Variants in ST6GALNAC3 observed in about 807,000 individuals in gnomAD.
ST6GALNAC3 encodes the protein alpha-N-acetylgalactosaminide alpha-2,6-sialyltransferase 3.
A neutral mutation model predicts 32.7 loss-of-function variants in ST6GALNAC3; 25 were observed. The ratio of observed to expected loss-of-function variants is 0.76; its 90% CI spans 0.56 to 1.07. The LOEUF is 1.07. ST6GALNAC3 is among the 50% of genes least tolerant of loss of function. The pLI is 0.00. For missense variants in ST6GALNAC3, 355 were observed against 382.4 expected (o/e 0.93, Z 0.60); for synonymous variants, 129 against 133.1 (o/e 0.97, Z 0.21).
At chr1:76,603,779 C>A (rs1340379746) in intron 3 of ST6GALNAC3, among the ~76,000 whole-genome samples, 2 of 152,184 alleles carry the variant, frequency 1.3e-5, no homozygotes, top group Non-Finnish European at 2.9e-5. Context: ...CTCAGGCAGT[C>A]CTTCCACCTC....
At chr1:76,528,570 G>A (rs1663059958) in intron 3 of ST6GALNAC3, among the ~76,000 whole-genome samples, 1 of 152,008 alleles carries the variant, frequency 6.6e-6, no homozygotes, top group African/African-American at 2.4e-5. Context: ...TGATTTTTGT[G>A]TCATTCTATT....
intron 3 of ST6GALNAC3, among the ~76,000 whole-genome samples, chr1:76,473,501 G>A (rs1484951497): frequency 1.3e-5 from 2 of 152,120 alleles, no homozygotes; most frequent in African/African-American, 4.8e-5. Context: ...CCTTTCTTGA[G>A]TTATTAAATT....
At chr1:76,084,492 C>A (rs1333787038) in intron 1 of ST6GALNAC3, among the ~76,000 whole-genome samples, 2 of 152,102 alleles carry the variant, frequency 1.3e-5, no homozygotes, top group Non-Finnish European at 2.9e-5. Context: ...ACTTGAAGCA[C>A]TTTTATTTGA....
chr1:76,256,686 C>T (rs1466013219), intron 1 of ST6GALNAC3, among the ~76,000 whole-genome samples: 1 of 151,066 alleles, frequency 6.6e-6, no homozygotes, highest in Admixed American at 6.6e-5. Context: ...CAGATATCTT[C>T]AAGGAAGTGG....
chr1:76,278,612 TGAAA>T (rs59903883), intron 1 of ST6GALNAC3, among the ~76,000 whole-genome samples: 8,053 of 151,964 alleles, frequency 0.053, 670 homozygotes, highest in African/African-American at 0.18. Context: ...ATGCAGAGAA[TGAAA>T]GAGTTTGTCT....
intron 2 of ST6GALNAC3, among the ~76,000 whole-genome samples, chr1:76,366,890 T>C (rs528028176): frequency 3.9e-5 from 6 of 152,302 alleles, no homozygotes; most frequent in South Asian, 4.1e-4. Flanking sequence ...CCAAAGTTTA[T>C]ATAAAAGAGA....
chr1:76,461,229 A>T (rs1273516110), intron 3 of ST6GALNAC3, among the ~76,000 whole-genome samples: 1 of 152,164 alleles, frequency 6.6e-6, no homozygotes, highest in Non-Finnish European at 1.5e-5. Flanking sequence ...GAATCCTCTA[A>T]CTATGCAAAA....
intron 1 of ST6GALNAC3, among the ~76,000 whole-genome samples, chr1:76,158,054 A>G (rs1160672554): frequency 6.6e-6 from 1 of 152,304 alleles, no homozygotes; most frequent in Admixed American, 6.5e-5. Context: ...TTTCCAATGA[A>G]ATGGGTCCAG....
intron 3 of ST6GALNAC3, among the ~76,000 whole-genome samples, chr1:76,444,340 C>G (rs931635465): frequency 2.0e-5 from 3 of 152,150 alleles, no homozygotes; most frequent in Admixed American, 6.5e-5. Flanking sequence ...CCAGATGGCT[C>G]CTATAACACT....
At chr1:76,369,624 T>C (rs558083602) in intron 2 of ST6GALNAC3, among the ~76,000 whole-genome samples, 48 of 152,272 alleles carry the variant, frequency 3.2e-4, no homozygotes, top group African/African-American at 1.1e-3. Context: ...GGTGCTGTGA[T>C]AGCTGAGTCT....
chr1:76,518,787 G>A (rs193174402), intron 3 of ST6GALNAC3, among the ~76,000 whole-genome samples: 97 of 152,240 alleles, frequency 6.4e-4, no homozygotes, highest in African/African-American at 2.3e-3. Context: ...CATTTAGTGG[G>A]GGCGCAGTGG....
chr1:76,363,751 G>T (rs1650147660), intron 2 of ST6GALNAC3, among the ~76,000 whole-genome samples: 1 of 152,138 alleles, frequency 6.6e-6, no homozygotes, highest in Non-Finnish European at 1.5e-5. Flanking sequence ...GGAGGCCTCA[G>T]GAACCTTACA....
chr1:76,310,826 C>T (rs1171874575), intron 1 of ST6GALNAC3, among the ~76,000 whole-genome samples: 1 of 152,190 alleles, frequency 6.6e-6, no homozygotes, highest in African/African-American at 2.4e-5. Context: ...CCCTGCACTT[C>T]ATGGCTTCAG....
intron 3 of ST6GALNAC3, among the ~76,000 whole-genome samples, chr1:76,603,392 A>C (rs1647330019): frequency 6.6e-6 from 1 of 152,232 alleles, no homozygotes; most frequent in South Asian, 2.1e-4. Context: ...TAGTAAAAAA[A>C]TGAATGAACT....
rs138343061 is a variant in ST6GALNAC3 at position 76,260,679 on chromosome 1, A to G, written c.19-53126A>G. On this transcript the variant is annotated intron_variant, in intron 1 of 4. Coordinates refer to ENST00000328299, the MANE Select transcript of ST6GALNAC3 (RefSeq NM_152996.4). ...TTGCTATACTTCCTCATGTGTGTTT[A>G]ATAGGGTCCAGTTTCTACTGAAAGG... 1.4e-3 allele frequency among the ~76,000 whole-genome samples: 210 copies of G among 152,310 alleles called. 1 individual carries two copies. In the Middle Eastern group the frequency reaches 0.02, roughly 15 times the overall value.
rs1647080002 is a variant in ST6GALNAC3, at chr1:76,093,557, C to A, written c.18+18673C>A. 1.3e-5 allele frequency among the ~76,000 whole-genome samples: 2 copies of A among 152,158 alleles called. 1 individual carries two copies. The highest frequency in any genetic ancestry group is 4.1e-4 in the South Asian group (2 of 4,826). On this transcript the variant is annotated intron_variant, in intron 1 of 4. Coordinates refer to ENST00000328299, the MANE Select transcript of ST6GALNAC3 (RefSeq NM_152996.4). Reference sequence around the variant, plus strand: ...ACGAAAGGAATCAGAACATGACTCCCCCAAATCTGCCTCTTTGACATAAAA... The same window carrying A: ...ACGAAAGGAATCAGAACATGACTCCACCAAATCTGCCTCTTTGACATAAAA...
chr1:76,223,162 G>T (rs1655874801), intron 1 of ST6GALNAC3, among the ~76,000 whole-genome samples: 1 of 152,072 alleles, frequency 6.6e-6, no homozygotes, highest in Non-Finnish European at 1.5e-5. Context: ...TGATGGTAGG[G>T]TGGATAAAGA....
chr1:76,413,852 A>T (rs1361978769), intron 3 of ST6GALNAC3, among the ~76,000 whole-genome samples: 2 of 152,136 alleles, frequency 1.3e-5, no homozygotes, highest in Non-Finnish European at 2.9e-5. Flanking sequence ...GCCTATTCAC[A>T]AAGGGCTTTG....
rs954974621 is a variant in ST6GALNAC3 at position 76,313,882 on chromosome 1, T to C, written c.96T>C (p.Asn32=). 3 of 1,613,566 alleles carry C rather than the reference T, an allele frequency of 1.9e-6. No individual in the cohort carries two copies. Among genetic ancestry groups the C allele is most frequent in the African/African-American group, 2.7e-5 (2 of 74,880 alleles). ...TTGTGCGTCTTGTAAATGAAGTGAA[T>C]TTCCCATTGCTACTAAACTGCTTTG... is the stretch of plus-strand genomic sequence containing the variant. ...LLVVRLVNEV[N]FPLLLNCFGQ... The change falls in exon 2 of 5, where the codon AAT becomes AAC. Residue 32 remains asparagine (N), a synonymous_variant. Transcript: ENST00000328299.
Sources: gnomAD v4.1 joint callset for allele counts (sites outside exome capture counted in the v4.1 genomes callset) on GRCh38, gnomAD v4.1.1 for gene constraint, MANE v1.5 for transcripts, NCBI Gene and HGNC (gene_info 2026-07-23, HGNC 2026-07-21) for gene names.